ANGPT1: variants seen among roughly 807,000 people sequenced by gnomAD.
ANGPT1 encodes the protein angiopoietin 1.
In ANGPT1, 17 loss-of-function variants were observed where a neutral mutation model predicts 62.2. The observed-to-expected ratio is 0.27, with a 90% CI of 0.19 to 0.41. The LOEUF (loss-of-function observed/expected upper bound fraction) is 0.41, where lower values mean the gene tolerates loss of function less well. ANGPT1 is among the 10% of genes least tolerant of loss of function. The pLI is 1.00. For synonymous variants in ANGPT1, 199 were observed against 198.9 expected (o/e 1.00, Z 0.00); for missense variants, 478 against 594.9 (o/e 0.80, Z 2.04).
At chr8:107,375,861 T>C (rs926328298) in intron 1 of ANGPT1, among the ~76,000 whole-genome samples, 2 of 152,088 alleles carry the variant, frequency 1.3e-5, no homozygotes, top group South Asian at 2.1e-4. Flanking sequence ...TGTTCCTGAG[T>C]GTGCAGTTTT....
intron 7 of ANGPT1, among the ~76,000 whole-genome samples, chr8:107,266,946 G>A (rs79790363): frequency 0.025 from 3,771 of 152,100 alleles, 69 homozygotes; most frequent in Non-Finnish European, 0.038. Flanking sequence ...GCAAAAAGAA[G>A]AAATAAAAAT....
intron 1 of ANGPT1, among the ~76,000 whole-genome samples, chr8:107,416,460 G>C: frequency 6.6e-6 from 1 of 152,196 alleles, no homozygotes; most frequent in East Asian, 1.9e-4. Context: ...GGGGTGTTGG[G>C]ATGCCCCACT....
intron 2 of ANGPT1, among the ~76,000 whole-genome samples, chr8:107,338,160 G>T (rs1335506779): frequency 6.6e-6 from 1 of 152,166 alleles, no homozygotes; most frequent in East Asian, 1.9e-4. Flanking sequence ...TGGGCTACAG[G>T]AATTTGCAGG....
Position 107,404,523 on chromosome 8 carries a change from C to T in ANGPT1, c.298-57426G>A, listed in dbSNP as rs75560720. Among the ~76,000 whole-genome samples the T allele has an allele frequency of 7.3e-4, 111 of 152,164 alleles. 3 individuals are homozygous for T. The East Asian group carries it at 0.021, about 28-fold the overall frequency. ...TTTAAAGATCATATGTATTGGACAT[C>T]TCTCTAAGCCATTACATGTAGATCT... On this transcript the variant is annotated intron_variant, in intron 1 of 8. Transcript: ENST00000517746.
rs1203801551 is a variant in ANGPT1 at position 107,301,893 on chromosome 8, C to T, written c.936+1347G>A. Among the ~76,000 whole-genome samples, 3 of 151,924 alleles carry T rather than the reference C, an allele frequency of 2.0e-5. No individual in the cohort carries two copies. In the East Asian group the frequency reaches 5.8e-4, roughly 29 times the overall value. ...AAAGGGAAAATAGAATTGTATCAGA[C>T]CTGGACTATAGTCCAGACTTCCTGG... On this transcript the variant is annotated intron_variant, in intron 5 of 8. Transcript: ENST00000517746.
intron 7 of ANGPT1, among the ~76,000 whole-genome samples, chr8:107,279,674 A>G (rs1813951422): frequency 6.6e-6 from 1 of 151,980 alleles, no homozygotes; most frequent in Admixed American, 6.6e-5. Context: ...AATTAGTTAC[A>G]TATCTTGAAT....
intron 1 of ANGPT1, among the ~76,000 whole-genome samples, chr8:107,495,801 G>A (rs1340481121): frequency 6.6e-6 from 1 of 152,110 alleles, no homozygotes; most frequent in East Asian, 1.9e-4. Context: ...TGAAAGTAAT[G>A]CATAAAATTT....
intron 7 of ANGPT1, among the ~76,000 whole-genome samples, chr8:107,267,467 T>C (rs1425290354): frequency 6.6e-6 from 1 of 152,156 alleles, no homozygotes; most frequent in Non-Finnish European, 1.5e-5. Flanking sequence ...TTATCAATGC[T>C]ATGTTAGGCT....
At chr8:107,299,661 A>G (rs1331104460) in intron 5 of ANGPT1, among the ~76,000 whole-genome samples, 1 of 137,656 alleles carries the variant, frequency 7.3e-6, no homozygotes, top group Admixed American at 7.6e-5. Flanking sequence ...ATCTATATAT[A>G]GACATATAGT....
At chr8:107,412,302 C>G (rs150841242) in intron 1 of ANGPT1, among the ~76,000 whole-genome samples, 2 of 152,046 alleles carry the variant, frequency 1.3e-5, no homozygotes, top group Non-Finnish European at 1.5e-5. Flanking sequence ...ACTAATTGAA[C>G]CAATCAAGTC....
intron 1 of ANGPT1, among the ~76,000 whole-genome samples, chr8:107,364,574 C>A (rs1335703372): frequency 6.6e-6 from 1 of 152,148 alleles, no homozygotes; most frequent in African/African-American, 2.4e-5. Context: ...AGCCACTGTG[C>A]CCAGCCCGAT....
chr8:107,280,984 C>A (rs534292523), intron 7 of ANGPT1, among the ~76,000 whole-genome samples: 1 of 152,272 alleles, frequency 6.6e-6, no homozygotes, highest in South Asian at 2.1e-4. Context: ...CACATTGATA[C>A]ATGTTAGTTC....
intron 1 of ANGPT1, among the ~76,000 whole-genome samples, chr8:107,441,046 A>G (rs1274253546): frequency 6.9e-6 from 1 of 145,034 alleles, no homozygotes; most frequent in Non-Finnish European, 1.6e-5. Context: ...TCACTCAATC[A>G]TTATCTTGAT....
chr8:107,433,099 C>T (rs1811239341), intron 1 of ANGPT1, among the ~76,000 whole-genome samples: 1 of 152,072 alleles, frequency 6.6e-6, no homozygotes, highest in South Asian at 2.1e-4. Context: ...ACTTTTTAAG[C>T]ATTTAACTTT....
chr8:107,493,398 C>T (rs1306379194), intron 1 of ANGPT1, among the ~76,000 whole-genome samples: 1 of 150,204 alleles, frequency 6.7e-6, no homozygotes, highest in Non-Finnish European at 1.5e-5. Context: ...ACAGAGCTGA[C>T]CCTTAAAGAA....
At chr8:107,282,733 C>T (rs975639944) in intron 7 of ANGPT1, among the ~76,000 whole-genome samples, 1 of 151,370 alleles carries the variant, frequency 6.6e-6, no homozygotes, top group Non-Finnish European at 1.5e-5. Flanking sequence ...GTATGCATCA[C>T]CCTAGCAGGG....
At chr8:107,458,791 T>C (rs1811989471) in intron 1 of ANGPT1, among the ~76,000 whole-genome samples, 1 of 152,210 alleles carries the variant, frequency 6.6e-6, no homozygotes, top group Non-Finnish European at 1.5e-5. Context: ...TTGTGCTAAG[T>C]ATCCTGTCAA....
chr8:107,422,267 G>C (rs191370605), intron 1 of ANGPT1, among the ~76,000 whole-genome samples: 1 of 151,982 alleles, frequency 6.6e-6, no homozygotes, highest in Non-Finnish European at 1.5e-5. Context: ...TAAACTTGTC[G>C]GCAACCTGGG....
intron 1 of ANGPT1, among the ~76,000 whole-genome samples, chr8:107,444,463 T>C (rs1174190464): frequency 6.6e-6 from 1 of 152,202 alleles, no homozygotes; most frequent in Non-Finnish European, 1.5e-5. Flanking sequence ...GCAAATGAGC[T>C]CAGCAGTCTA....
Sources: gnomAD v4.1 joint callset for allele counts (sites outside exome capture counted in the v4.1 genomes callset) on GRCh38, gnomAD v4.1.1 for gene constraint, MANE v1.5 for transcripts, NCBI Gene and HGNC (gene_info 2026-07-23, HGNC 2026-07-21) for gene names.